Variants in USP15 observed in about 807,000 individuals in gnomAD.
The protein encoded by USP15 is ubiquitin specific peptidase 15, also known as ubiquitin carboxyl-terminal hydrolase 15.
Under a neutral mutation model 127.1 loss-of-function variants are expected in USP15, and 18 were observed. The ratio of observed to expected loss-of-function variants is 0.14; its 90% confidence interval spans 0.10 to 0.21. USP15 has a LOEUF of 0.21. Among genes scored for constraint, USP15 ranks in the 10% least tolerant of loss-of-function variants. The pLI, the probability that USP15 is intolerant of heterozygous loss-of-function variation, is 1.00. For missense variants in USP15, 805 were observed against 1,159.9 expected, an observed-to-expected ratio of 0.69 and a Z score of 4.44; for synonymous variants, 364 against 393.7, an observed-to-expected ratio of 0.92 and a Z score of 0.89.
In USP15 at chr12:62,405,981, C is replaced by CT. The variant is rs375651843; in HGVS notation, c.*1620dup. The stretch of plus-strand genomic sequence containing the variant: ...AAAGCTGCTTTGGGGTTTTTTTTTT[C>CT]TTTTTTTTTTTTTTAATGTAAACTA... On this transcript the variant is annotated 3_prime_UTR_variant, in exon 22 of 22. Coordinates refer to ENST00000280377, the MANE Select transcript of USP15 (RefSeq NM_001252078.2). The CT allele has an allele frequency of 0.095, 10,946 of 115,814 alleles. 523 individuals carry two copies. The highest frequency in any genetic ancestry group is 0.2 in the Middle Eastern group (43 of 216). 7.2% of individuals were successfully genotyped at this position (115,814 alleles called of 1,614,324 possible). A position where few individuals can be genotyped will look rare whatever the true frequency, so the allele number is the denominator to read the frequency against.
intron 1 of USP15, among the ~76,000 whole-genome samples, chr12:62,290,115 G>A (rs1268242092): frequency 6.6e-6 from 1 of 152,166 alleles, no homozygotes; most frequent in Admixed American, 6.5e-5. Flanking sequence ...TTCTGCAAAT[G>A]TCTGCCAAAT....
At chr12:62,291,129 T>C (rs2063954966) in intron 1 of USP15, among the ~76,000 whole-genome samples, 1 of 152,182 alleles carries the variant, frequency 6.6e-6, no homozygotes, top group Admixed American at 6.5e-5. Context: ...TCTGGATGTC[T>C]AGATCACTTG....
intron 19 of USP15, 83 bp downstream of exon 19, chr12:62,393,285 A>C: frequency 2.7e-6 from 4 of 1,500,766 alleles, no homozygotes; most frequent in Non-Finnish European, 3.6e-6. Context: ...TCCTTTAGTA[A>C]ACATCAGGTG....
rs2066091826 is a variant in USP15 at position 62,355,406 on chromosome 12, C to T, written c.846C>T (p.Asn282=). The T allele has an allele frequency of 1.9e-6, 3 of 1,611,152 alleles. No homozygotes were observed. The highest frequency in any genetic ancestry group is 2.2e-5 in the East Asian group (1 of 44,760). The change falls in exon 8 of 22, where the codon AAC becomes AAT. Residue 282 remains asparagine, a synonymous_variant. Transcript: ENST00000280377. ...ATGATTATTCGGAACCTGGAAGAAA[C>T]AATGAACAGCCAGGCCTCTGTGGCC... ...KNYDYSEPGR[N]NEQPGLCGLS...
chr12:62,373,797 A>G (rs939326570), intron 8 of USP15, among the ~76,000 whole-genome samples: 4 of 151,956 alleles, frequency 2.6e-5, no homozygotes, highest in African/African-American at 9.7e-5. Flanking sequence ...TTCAGAATTG[A>G]TCTCTCAAAT....
At chr12:62,389,407 A>G (rs2067253235) in intron 11 of USP15, 24 bp from the exon 12 acceptor site, 1 of 1,588,718 alleles carries the variant, frequency 6.3e-7, no homozygotes, top group Non-Finnish European at 8.6e-7. Flanking sequence ...TAATAAATTC[A>G]TTACAATTTT....
intron 6 of USP15, among the ~76,000 whole-genome samples, chr12:62,346,815 TC>T (rs2065830737): frequency 6.6e-6 from 1 of 152,220 alleles, no homozygotes; most frequent in South Asian, 2.1e-4. Context: ...TAACCTCTGT[TC>T]CTGTCAGTAC....
At chr12:62,328,367 A>G in intron 6 of USP15, 1 of 432,474 alleles carries the variant, frequency 2.3e-6, no homozygotes, top group South Asian at 1.7e-5. Context: ...ACATCATGTC[A>G]AGACATGGCA....
intron 1 of USP15, among the ~76,000 whole-genome samples, chr12:62,265,697 C>T (rs764269957): frequency 5.3e-5 from 8 of 152,096 alleles, no homozygotes; most frequent in Non-Finnish European, 1.2e-4. Flanking sequence ...CAGGTGTGCG[C>T]CACCACACCC....
At chr12:62,400,456 A>G (rs2067647425) in intron 20 of USP15, among the ~76,000 whole-genome samples, 1 of 152,068 alleles carries the variant, frequency 6.6e-6, no homozygotes, top group African/African-American at 2.4e-5. Flanking sequence ...AGTACTCAGC[A>G]CGTGGCAAAT....
chr12:62,374,967 T>C (rs1377607373), intron 8 of USP15, among the ~76,000 whole-genome samples: 1 of 151,966 alleles, frequency 6.6e-6, no homozygotes. Flanking sequence ...GAGTTTTTAA[T>C]AGAGAATTAG....
chr12:62,381,522 T>C lies in USP15; in HGVS notation c.948T>C (p.Tyr316=), dbSNP rs762109003. The C allele has an allele frequency of 6.2e-7, 1 of 1,612,476 alleles. No individual in the cohort carries two copies. Among genetic ancestry groups the C allele is most frequent in the Non-Finnish European group, 8.5e-7 (1 of 1,178,964 alleles). ...GCAACACACCTCCACTTACTGAGTA[T>C]TTCCTCAATGATAAGTATCAAGAAG... ...CLSNTPPLTE[Y]FLNDKYQEEL... is the part of the protein sequence containing the mutation. The change falls in exon 9 of 22, where the codon TAT becomes TAC. Residue 316 remains tyrosine, a synonymous_variant. Transcript: ENST00000280377.
chr12:62,346,185 C>T (rs1179124897), intron 6 of USP15, among the ~76,000 whole-genome samples: 2 of 152,136 alleles, frequency 1.3e-5, no homozygotes, highest in African/African-American at 4.8e-5. Context: ...AGCAGATATG[C>T]TTTATGCAAA....
intron 1 of USP15, among the ~76,000 whole-genome samples, 196 bp downstream of exon 1, chr12:62,260,699 G>T (rs1041103059): frequency 6.6e-6 from 1 of 152,180 alleles, no homozygotes; most frequent in African/African-American, 2.4e-5. Context: ...TTCTTGGCTT[G>T]CCAGGGCATG....
intron 1 of USP15, chr12:62,267,171 AC>A (rs1339156976): frequency 6.6e-6 from 1 of 151,994 alleles, no homozygotes; most frequent in Admixed American, 6.6e-5. Flanking sequence ...TTCCTCACTT[AC>A]CACTGTAATT....
chr12:62,261,495 GTAT>G (rs1297735711), intron 1 of USP15, among the ~76,000 whole-genome samples: 3 of 152,080 alleles, frequency 2.0e-5, no homozygotes, highest in African/African-American at 7.2e-5. Context: ...GAGTGTTTCA[GTAT>G]GGCATAGTGA....
intron 1 of USP15, among the ~76,000 whole-genome samples, chr12:62,273,707 T>G (rs2063403748): frequency 6.6e-6 from 1 of 152,112 alleles, no homozygotes; most frequent in African/African-American, 2.4e-5. Flanking sequence ...CAGAGAATGG[T>G]AGTGTTTTTG....
chr12:62,377,687 T>C (rs2066871880), intron 8 of USP15, among the ~76,000 whole-genome samples: 1 of 151,680 alleles, frequency 6.6e-6, no homozygotes, highest in Non-Finnish European at 1.5e-5. Context: ...GCCATTGTGC[T>C]CTGCACTCCA....
chr12:62,280,137 A>G (rs186149268), intron 1 of USP15, among the ~76,000 whole-genome samples: 1 of 152,296 alleles, frequency 6.6e-6, no homozygotes, highest in Non-Finnish European at 1.5e-5. Context: ...AATATTAGTG[A>G]TTTTGTTATT....
Sources: allele counts gnomAD v4.1 joint callset (sites outside exome capture counted in the v4.1 genomes callset), GRCh38; gene constraint gnomAD v4.1.1; transcripts MANE v1.5; gene names NCBI Gene and HGNC (gene_info 2026-07-23, HGNC 2026-07-21).